The following TM4SF4 variants were observed in gnomAD, a reference collection of about 807,000 sequenced individuals.
TM4SF4 encodes transmembrane 4 L6 family member 4.
TM4SF4 carries 24 observed loss-of-function variants against 24.1 expected under a neutral mutation model. The ratio of observed to expected loss-of-function variants is 1.00; its 90% CI spans 0.72 to 1.40. The LOEUF is 1.40. Among genes scored for constraint, TM4SF4 ranks in the 40% most tolerant of loss-of-function variants. TM4SF4 has a pLI of 0.00. For synonymous variants in TM4SF4, 113 were observed against 97.0 expected, an observed-to-expected ratio of 1.17 and a Z score of -0.97; for missense variants, 254 against 254.2, an observed-to-expected ratio of 1.00 and a Z score of 0.01.
chr3:149,485,991 CA>C (rs1200167702), intron 2 of TM4SF4, among the ~76,000 whole-genome samples: 5 of 151,982 alleles, frequency 3.3e-5, no homozygotes, highest in African/African-American at 1.2e-4. Context: ...GATGAGTTGG[CA>C]AAAGAGTTAA....
chr3:149,501,580 AAGTC>A (rs1734427153), intron 4 of TM4SF4, among the ~76,000 whole-genome samples: 1 of 152,202 alleles, frequency 6.6e-6, no homozygotes, highest in African/African-American at 2.4e-5. Flanking sequence ...TGCAGTTTTA[AAGTC>A]AGTCTGCTGA....
At position 149,502,680 on chromosome 3, in the gene TM4SF4, A is replaced by G. The variant is rs200475237; in HGVS notation, c.596A>G (p.Asp199Gly). Residue 199 changes from aspartate to glycine, a missense_variant, in exon 5 of 5, where the codon GAT becomes GGT. Asp to Gly is a moderately conservative substitution (Grantham distance 94). Transcript: ENST00000305354. ...TTCACCTTTTCTACCTTCTAGGGAG[A>G]TGGACCCGTTTAAACCTCCGAGATG... ...DCQCCGCCGG[D>G]GPV The G allele has an allele frequency of 3.1e-6, 5 of 1,605,564 alleles. No individual in the cohort carries two copies. The East Asian group carries it at 1.1e-4, about 36-fold the overall frequency.
Position 149,502,660 on chromosome 3 carries a change from CT to C in TM4SF4, c.592-12del. ...AATCATGACATCATAGTTAATTCACCTTTTCTACCTTCTAGGGAGATGGACC... is the reference window on the plus strand; with the variant it reads ...AATCATGACATCATAGTTAATTCACCTTTCTACCTTCTAGGGAGATGGACC... On this transcript the variant is annotated splice_polypyrimidine_tract_variant and intron_variant, in intron 4 of 4. Transcript: ENST00000305354. 1 of 1,596,584 alleles carries C rather than the reference CT, an allele frequency of 6.3e-7. No homozygotes were observed. The highest frequency in any genetic ancestry group is 8.6e-7 in the Non-Finnish European group (1 of 1,165,352).
rs764923034 is a variant in TM4SF4, at chr3:149,498,812, G to C, written c.492G>C (p.Leu164=). ...PWNLTLFSIL[L]VVGGIQMVLC... ...ATCTGACCCTCTTCTCCATCCTGCTGGTCGTAGGAGGAATCCAGATGGTTC... is the reference window on the plus strand; with the variant it reads ...ATCTGACCCTCTTCTCCATCCTGCTCGTCGTAGGAGGAATCCAGATGGTTC... Residue 164 remains leucine (L), a synonymous_variant, in exon 4 of 5, where the codon CTG becomes CTC. Transcript: ENST00000305354. 2 of 1,613,972 alleles carry C rather than the reference G, an allele frequency of 1.2e-6. No individual in the cohort carries two copies. The highest frequency in any genetic ancestry group is 1.1e-5 in the South Asian group (1 of 91,080).
chr3:149,491,784 G>C (rs924573967), intron 3 of TM4SF4, among the ~76,000 whole-genome samples: 1 of 152,130 alleles, frequency 6.6e-6, no homozygotes, highest in African/African-American at 2.4e-5. Flanking sequence ...GACATGGGCT[G>C]ATTTTGGAGG....
chr3:149,498,746 A>G lies in TM4SF4; in HGVS notation c.426A>G (p.Leu142=), dbSNP rs80009570. ...GGGATTATCTCAATGATGAGGCCTT[A>G]TGGAACAAGTGCCGAGAGCCTCTCA... ...HDGDYLNDEA[L]WNKCREPLNV... Residue 142 remains leucine (L), a synonymous_variant, in exon 4 of 5, where the codon TTA becomes TTG. Transcript: ENST00000305354. 3.8e-5 allele frequency: 62 copies of G among 1,613,826 alleles called. No individual in the cohort carries two copies. The South Asian group carries it at 6.1e-4, about 16-fold the overall frequency.
chr3:149,488,011 A>G (rs1484409013), intron 3 of TM4SF4, among the ~76,000 whole-genome samples: 1 of 152,224 alleles, frequency 6.6e-6, no homozygotes, highest in Non-Finnish European at 1.5e-5. Flanking sequence ...GGGAAGGAAG[A>G]GATTTGTTGT....
intron 3 of TM4SF4, among the ~76,000 whole-genome samples, chr3:149,496,351 A>AG (rs1409600879): frequency 6.6e-6 from 1 of 152,144 alleles, no homozygotes; most frequent in Non-Finnish European, 1.5e-5. Flanking sequence ...GTGGGATTAT[A>AG]GGTGCGTGTC....
chr3:149,485,054 A>G (rs1392024605), intron 2 of TM4SF4, among the ~76,000 whole-genome samples: 1 of 152,224 alleles, frequency 6.6e-6, no homozygotes, highest in Non-Finnish European at 1.5e-5. Flanking sequence ...TGTTCAAAAT[A>G]AAGTGTTTGA....
At chr3:149,476,385 C>G (rs550045599) in intron 2 of TM4SF4, among the ~76,000 whole-genome samples, 1 of 152,222 alleles carries the variant, frequency 6.6e-6, no homozygotes, top group African/African-American at 2.4e-5. Flanking sequence ...CTTCCATGTT[C>G]TCTATTTCTG....
chr3:149,487,583 C>T (rs1734140535), intron 2 of TM4SF4, 36 bp from the exon 3 acceptor site: 3 of 1,613,142 alleles, frequency 1.9e-6, no homozygotes, highest in Non-Finnish European at 2.5e-6. Flanking sequence ...TCTGGACCAC[C>T]TGGAGAATGT....
At chr3:149,475,691 G>T in intron 1 of TM4SF4, 132 bp from the exon 2 acceptor site, 1 of 715,580 alleles carries the variant, frequency 1.4e-6, no homozygotes, top group Non-Finnish European at 2.4e-6. Context: ...CTCCAGCCAT[G>T]CTCTGTTACT....
intron 2 of TM4SF4, among the ~76,000 whole-genome samples, chr3:149,476,478 A>T (rs1201466595): frequency 2.0e-5 from 3 of 152,194 alleles, no homozygotes; most frequent in Non-Finnish European, 2.9e-5. Context: ...TCGATCTTGA[A>T]CTAGAGACGT....
intron 2 of TM4SF4, among the ~76,000 whole-genome samples, chr3:149,487,397 T>C (rs1416854817): frequency 6.6e-6 from 1 of 152,012 alleles, no homozygotes; most frequent in African/African-American, 2.4e-5. Context: ...ACCTCTGTCA[T>C]CAATGAAAAG....
intron 2 of TM4SF4, among the ~76,000 whole-genome samples, chr3:149,481,727 G>A (rs1005962562): frequency 1.3e-5 from 2 of 152,198 alleles, no homozygotes; most frequent in African/African-American, 2.4e-5. Flanking sequence ...CAGAAAGGGA[G>A]ATCTTCAAGC....
intron 2 of TM4SF4, among the ~76,000 whole-genome samples, chr3:149,481,176 C>T (rs1734027552): frequency 6.6e-6 from 1 of 152,144 alleles, no homozygotes; most frequent in Admixed American, 6.6e-5. Context: ...TAAATATTTT[C>T]TATGCTTCAA....
intron 4 of TM4SF4, among the ~76,000 whole-genome samples, chr3:149,499,776 G>A (rs1734383000): frequency 6.6e-6 from 1 of 152,126 alleles, no homozygotes; most frequent in Admixed American, 6.6e-5. Flanking sequence ...TCAGGAGACT[G>A]AGGCACGAGA....
At chr3:149,496,546 A>T (rs1466909849) in intron 3 of TM4SF4, among the ~76,000 whole-genome samples, 1 of 152,196 alleles carries the variant, frequency 6.6e-6, no homozygotes, top group Non-Finnish European at 1.5e-5. Flanking sequence ...CTTTGGGCGG[A>T]TCACCCGAGG....
Position 149,474,975 on chromosome 3 carries a change from G to T in TM4SF4, c.98G>T (p.Gly33Val), listed in dbSNP as rs1576515508. 1 of 1,613,762 alleles carries T rather than the reference G, an allele frequency of 6.2e-7. No individual in the cohort carries two copies. Among genetic ancestry groups the T allele is most frequent in the Non-Finnish European group, 8.5e-7 (1 of 1,179,872 alleles). ...LANILLFFPG[G>V]KVIDDNDHLS... ...AACATCCTGTTATTTTTTCCTGGAG[G>T]AAAAGTGATAGATGACAACGACCAC... is the stretch of plus-strand genomic sequence containing the variant. Residue 33 changes from glycine to valine, a missense_variant, in exon 1 of 5, where the codon GGA becomes GTA. Transcript: ENST00000305354.
Sources: allele counts gnomAD v4.1 joint callset (sites outside exome capture counted in the v4.1 genomes callset), GRCh38; gene constraint gnomAD v4.1.1; transcripts MANE v1.5; gene names NCBI Gene and HGNC (gene_info 2026-07-23, HGNC 2026-07-21).